DZIP3: variants seen among roughly 807,000 people sequenced by gnomAD.
DZIP3 encodes E3 ubiquitin-protein ligase DZIP3.
In DZIP3, 118 loss-of-function variants were observed where a neutral mutation model predicts 162.0. The ratio of observed to expected loss-of-function variants is 0.73; its 90% confidence interval spans 0.63 to 0.85. The LOEUF (loss-of-function observed/expected upper bound fraction) is 0.85, where lower values mean the gene tolerates loss of function less well. Ranked by LOEUF, DZIP3 falls within the 40% of genes least tolerant of loss-of-function variation. The pLI is 0.00. For synonymous variants in DZIP3, 438 were observed against 458.6 expected (o/e 0.96, Z 0.57); for missense variants, 1,331 against 1,407.0 (o/e 0.95, Z 0.86).
intron 1 of DZIP3, among the ~76,000 whole-genome samples, chr3:108,593,680 T>C (rs930429562): frequency 3.3e-4 from 49 of 150,398 alleles, no homozygotes; most frequent in East Asian, 2.1e-3. Flanking sequence ...TTCTTTCTTT[T>C]TTTTTTTTTT....
At chr3:108,660,989 G>T (rs1048959232) in intron 19 of DZIP3, among the ~76,000 whole-genome samples, 12 of 152,256 alleles carry the variant, frequency 7.9e-5, no homozygotes, top group African/African-American at 2.6e-4. Flanking sequence ...GAAACAACAG[G>T]TGCTGGAGAG....
At chr3:108,648,756 A>AT (rs1942737941) in intron 16 of DZIP3, 162 bp from the exon 17 acceptor site, 1 of 329,310 alleles carries the variant, frequency 3.0e-6, no homozygotes, top group Admixed American at 5.2e-5. Context: ...GATTAAAATA[A>AT]AAATGATAAA....
At chr3:108,597,303 G>A (rs1354761198) in intron 1 of DZIP3, among the ~76,000 whole-genome samples, 1 of 151,536 alleles carries the variant, frequency 6.6e-6, no homozygotes, top group Non-Finnish European at 1.5e-5. Flanking sequence ...AAGAGTACAA[G>A]GTTTGAATAT....
At chr3:108,597,145 A>G (rs1214727997) in intron 1 of DZIP3, among the ~76,000 whole-genome samples, 1 of 152,180 alleles carries the variant, frequency 6.6e-6, no homozygotes, top group Non-Finnish European at 1.5e-5. Flanking sequence ...TCCTTTTACA[A>G]TTATTTTTCC....
At chr3:108,644,108 A>C in intron 13 of DZIP3, 56 bp from the exon 14 acceptor site, 2 of 1,525,994 alleles carry the variant, frequency 1.3e-6, no homozygotes, top group Non-Finnish European at 1.7e-6. Flanking sequence ...GTGAGAGACC[A>C]AATAGAAAAT....
intron 1 of DZIP3, among the ~76,000 whole-genome samples, chr3:108,601,419 T>C (rs1304411173): frequency 6.6e-6 from 1 of 152,230 alleles, no homozygotes; most frequent in Non-Finnish European, 1.5e-5. Flanking sequence ...GAGCCTGATA[T>C]ACTGGGCATA....
chr3:108,692,076 G>A (rs1944719036), intron 32 of DZIP3, among the ~76,000 whole-genome samples: 2 of 151,672 alleles, frequency 1.3e-5, no homozygotes, highest in African/African-American at 4.9e-5. Flanking sequence ...TAATTTGCAG[G>A]CTCCTATTGA....
chr3:108,619,806 C>T (rs1452346142), intron 5 of DZIP3, among the ~76,000 whole-genome samples: 1 of 151,916 alleles, frequency 6.6e-6, no homozygotes, highest in Non-Finnish European at 1.5e-5. Context: ...GACACATGAA[C>T]TTAACCATCA....
rs149396842 is a variant in DZIP3, at chr3:108,669,686, A to G, written c.2429A>G (p.Gln810Arg). 1.3e-5 allele frequency: 21 copies of G among 1,610,998 alleles called. No homozygotes were observed. The African/African-American group carries it at 2.7e-4, about 20-fold the overall frequency. The change falls in exon 22 of 33, where the codon CAG (glutamine) becomes CGG (arginine). Residue 810 changes from glutamine (Q) to arginine (R), a missense_variant. Coordinates refer to ENST00000361582, the MANE Select transcript of DZIP3 (RefSeq NM_014648.4). ...TTTCTTGCTTGTTTGCTTAGATTAC[A>G]GCGTCAAATCCATGCTAAAGATAAT... Reference protein sequence around the residue: ...AFGINKVSKLQRQIHAKDNEI... With the variant: ...AFGINKVSKLRRQIHAKDNEI...
chr3:108,690,722 T>C, intron 31 of DZIP3, 65 bp from the exon 32 acceptor site: 3 of 1,442,472 alleles, frequency 2.1e-6, no homozygotes, highest in Non-Finnish European at 2.9e-6. Context: ...CCCTGATGCA[T>C]AGAGTGACAA....
intron 13 of DZIP3, 22 bp downstream of exon 13, chr3:108,642,536 C>A (rs1399219072): frequency 1.4e-6 from 2 of 1,428,970 alleles, no homozygotes; most frequent in African/African-American, 2.9e-5. Flanking sequence ...TTTTTATATG[C>A]CTTCTGTTGA....
intron 27 of DZIP3, among the ~76,000 whole-genome samples, chr3:108,685,312 C>G (rs1290403546): frequency 1.3e-5 from 2 of 152,086 alleles, no homozygotes; most frequent in African/African-American, 4.8e-5. Context: ...AGATTACTTT[C>G]TGATTCCTGG....
At chr3:108,682,101 A>G (rs1031955808) in intron 26 of DZIP3, among the ~76,000 whole-genome samples, 3 of 151,014 alleles carry the variant, frequency 2.0e-5, no homozygotes, top group Non-Finnish European at 4.4e-5. Flanking sequence ...AAGAACAGCT[A>G]TTATCAAAAA....
At position 108,634,912 on chromosome 3, in the gene DZIP3, T is replaced by C. The variant is rs917468108; in HGVS notation, c.858T>C (p.Tyr286=). ...QLMCSKSCCV[Y]FHKICWKKFK... is the part of the protein sequence containing the mutation. ...TGTGCAGTAAAAGTTGCTGTGTTTATTTCCATAAAATTTGCTGGAAAAAGT... is the reference window on the plus strand; with the variant it reads ...TGTGCAGTAAAAGTTGCTGTGTTTACTTCCATAAAATTTGCTGGAAAAAGT... Residue 286 remains tyrosine (Y), a synonymous_variant, in exon 10 of 33, where the codon TAT becomes TAC. Coordinates refer to ENST00000361582, the MANE Select transcript of DZIP3 (RefSeq NM_014648.4). The C allele has an allele frequency of 6.2e-6, 10 of 1,610,662 alleles. No homozygotes were observed. In the African/African-American group the frequency reaches 1.3e-4, roughly 22 times the overall value.
intron 26 of DZIP3, among the ~76,000 whole-genome samples, chr3:108,678,926 G>A (rs1054210126): frequency 1.3e-5 from 2 of 148,272 alleles, no homozygotes; most frequent in African/African-American, 4.8e-5. Flanking sequence ...AGAATTATGG[G>A]ATATACATCA....
chr3:108,642,653 C>T (rs1387737162), intron 13 of DZIP3, 139 bp downstream of exon 13: 16 of 923,904 alleles, frequency 1.7e-5, no homozygotes, highest in East Asian at 3.7e-5. Flanking sequence ...CAGCAAGCAG[C>T]GCTTGGTGTA....
chr3:108,608,067 A>C, intron 2 of DZIP3, 22 bp from the exon 3 acceptor site: 1 of 1,582,486 alleles, frequency 6.3e-7, no homozygotes, highest in South Asian at 1.1e-5. Flanking sequence ...CTCTTAATAT[A>C]CCTCATTTTC....
chr3:108,672,661 C>A lies in DZIP3; in HGVS notation c.2589+5C>A. 3.1e-6 allele frequency: 5 copies of A among 1,608,436 alleles called. No homozygotes were observed. Among genetic ancestry groups the A allele is most frequent in the East Asian group, 2.2e-5 (1 of 44,682 alleles). ...AGCAGAGCTTTAACAGCCGAGGTAA[C>A]AACAAAACGGGGACAGGGGTATGGG... On this transcript the variant is annotated splice_donor_5th_base_variant and intron_variant, in intron 23 of 32. Coordinates refer to ENST00000361582, the MANE Select transcript of DZIP3 (RefSeq NM_014648.4).
chr3:108,603,263 C>A (rs1422725057), intron 1 of DZIP3: 2 of 152,154 alleles, frequency 1.3e-5, no homozygotes, highest in African/African-American at 4.8e-5. Context: ...ACTGTTGTTA[C>A]TTTTTATTAA....
Sources: allele counts gnomAD v4.1 joint callset (sites outside exome capture counted in the v4.1 genomes callset), GRCh38; gene constraint gnomAD v4.1.1; transcripts MANE v1.5; gene names NCBI Gene and HGNC (gene_info 2026-07-23, HGNC 2026-07-21).